The following ZFYVE16 variants were observed in gnomAD, a reference collection of about 807,000 sequenced individuals.
ZFYVE16 encodes the protein zinc finger FYVE domain-containing protein 16.
In ZFYVE16, 89 loss-of-function variants were observed where a neutral mutation model predicts 138.1. The ratio of observed to expected loss-of-function variants is 0.64; its 90% CI spans 0.54 to 0.77. ZFYVE16 has a LOEUF of 0.77. Among genes scored for constraint, ZFYVE16 ranks in the 30% least tolerant of loss-of-function variants. ZFYVE16 has a pLI of 0.00. For synonymous variants in ZFYVE16, 596 were observed against 618.3 expected, an observed-to-expected ratio of 0.96 and a Z score of 0.53; for missense variants, 1,793 against 1,786.7, an observed-to-expected ratio of 1.00 and a Z score of -0.06.
chr5:80,423,728 C>T (rs1327320168), intron 1 of ZFYVE16, among the ~76,000 whole-genome samples: 3 of 151,606 alleles, frequency 2.0e-5, no homozygotes, highest in African/African-American at 2.4e-5. Flanking sequence ...TTAGTAGAGA[C>T]GGGGTTTCAC....
At chr5:80,458,164 C>A (rs1752731072) in intron 14 of ZFYVE16, among the ~76,000 whole-genome samples, 1 of 151,642 alleles carries the variant, frequency 6.6e-6, no homozygotes, top group South Asian at 2.1e-4. Flanking sequence ...GATATTTACA[C>A]TTTTATATTA....
At chr5:80,440,541 G>A (rs1359080471) in intron 5 of ZFYVE16, 1 of 984,300 alleles carries the variant, frequency 1.0e-6, no homozygotes, top group Non-Finnish European at 1.2e-6. Flanking sequence ...TTTGTCTCAT[G>A]TTTTTTTCTT....
At chr5:80,473,326 T>C (rs973610952) in intron 16 of ZFYVE16, among the ~76,000 whole-genome samples, 7 of 152,210 alleles carry the variant, frequency 4.6e-5, no homozygotes, top group African/African-American at 1.7e-4. Flanking sequence ...TTTAATAATA[T>C]TTACATTAGA....
Position 80,437,474 on chromosome 5 carries a change from A to G in ZFYVE16, c.789A>G (p.Gln263=), listed in dbSNP as rs771630873. The change falls in exon 4 of 19, where the codon CAA becomes CAG. Residue 263 remains glutamine (Q), a synonymous_variant. Transcript: ENST00000505560. The part of the protein sequence containing the change: ...SKMFHAKDKL[Q]HKSQPCGLLK... ...TGTTTCATGCCAAAGACAAGCTACA[A>G]CACAAGAGCCAGCCATGTGGATTAC... The G allele has an allele frequency of 8.7e-6, 14 of 1,608,368 alleles. No individual in the cohort carries two copies. The highest frequency in any genetic ancestry group is 1.7e-5 in the Admixed American group (1 of 58,418).
At chr5:80,442,083 A>C in intron 5 of ZFYVE16, 1 of 328,886 alleles carries the variant, frequency 3.0e-6, no homozygotes, top group Non-Finnish European at 4.4e-6. Flanking sequence ...AGTGATAGAT[A>C]GTTAACAGAT....
In ZFYVE16 at chr5:80,456,698, A is replaced by G. The variant is rs113577480; in HGVS notation, c.3795+133A>G. 1,891 of 914,336 alleles carry G rather than the reference A, an allele frequency of 2.1e-3. 25 individuals are homozygous for G. The African/African-American group carries it at 0.028, about 13-fold the overall frequency. 56.6% of individuals were successfully genotyped at this position (914,336 alleles called of 1,614,324 possible). A position where few individuals can be genotyped will look rare whatever the true frequency, so the allele number is the denominator to read the frequency against. On this transcript the variant is annotated intron_variant, in intron 13 of 18. Transcript: ENST00000505560. ...GGCAACAAACATTGTTTTTGAAATG[A>G]TAGAATTTGTTTACTGTAAATAATC... is the stretch of plus-strand genomic sequence containing the variant.
At chr5:80,416,938 C>A (rs1256151676) in intron 1 of ZFYVE16, among the ~76,000 whole-genome samples, 8 of 152,106 alleles carry the variant, frequency 5.3e-5, no homozygotes, top group Non-Finnish European at 1.2e-4. Flanking sequence ...CTGTATTACA[C>A]ATATATCTGT....
Position 80,446,169 on chromosome 5 carries a change from T to C in ZFYVE16, c.2724+764T>C, listed in dbSNP as rs118127579. Reference sequence around the variant, plus strand: ...TCTCGGCCTCCCAAAGTGCTGGTTATTACAGGAGTGAGCCACCGTGCCTGG... The same window carrying C: ...TCTCGGCCTCCCAAAGTGCTGGTTACTACAGGAGTGAGCCACCGTGCCTGG... On this transcript the variant is annotated intron_variant, in intron 7 of 18. Transcript: ENST00000505560. 6.6e-4 allele frequency among the ~76,000 whole-genome samples: 100 copies of C among 152,258 alleles called. 3 individuals carry two copies. The East Asian group carries it at 0.018, about 27-fold the overall frequency.
rs921365633 is a variant in ZFYVE16 at position 80,479,091 on chromosome 5, C to T, written c.*1714C>T. On this transcript the variant is annotated 3_prime_UTR_variant, in exon 19 of 19. Coordinates refer to ENST00000505560, the MANE Select transcript of ZFYVE16 (RefSeq NM_001284236.3). Reference sequence around the variant, plus strand: ...TTTGTTTTCATAAAATCTCTATATTCAATAAAAATTGGAATTATGTGCCTG... The same window carrying T: ...TTTGTTTTCATAAAATCTCTATATTTAATAAAAATTGGAATTATGTGCCTG... 6.6e-6 allele frequency: 1 copy of T among 150,636 alleles called. No individual in the cohort carries two copies. The highest frequency in any genetic ancestry group is 1.5e-5 in the Non-Finnish European group (1 of 67,990). 9.3% of individuals were successfully genotyped at this position (150,636 alleles called of 1,614,324 possible).
At chr5:80,464,332 C>T (rs781735750) in intron 15 of ZFYVE16, among the ~76,000 whole-genome samples, 5 of 152,080 alleles carry the variant, frequency 3.3e-5, no homozygotes, top group Non-Finnish European at 7.4e-5. Flanking sequence ...CTTCACAAGG[C>T]GGCAGGAAGA....
At chr5:80,431,057 A>G (rs1323342818) in intron 2 of ZFYVE16, among the ~76,000 whole-genome samples, 1 of 152,220 alleles carries the variant, frequency 6.6e-6, no homozygotes, top group Non-Finnish European at 1.5e-5. Flanking sequence ...CAATCAATAG[A>G]AAAAGAGGGA....
At chr5:80,445,963 TC>T (rs1751299351) in intron 7 of ZFYVE16, among the ~76,000 whole-genome samples, 1 of 151,560 alleles carries the variant, frequency 6.6e-6, no homozygotes, top group African/African-American at 2.4e-5. Context: ...TGGTGCGATT[TC>T]AGCTCACTGC....
At chr5:80,458,670 A>T in intron 14 of ZFYVE16, among the ~76,000 whole-genome samples, 1 of 152,202 alleles carries the variant, frequency 6.6e-6, no homozygotes, top group Non-Finnish European at 1.5e-5. Context: ...TGCTACAGTG[A>T]ATAGTTTTGT....
At chr5:80,417,076 C>T (rs1181510009) in intron 1 of ZFYVE16, among the ~76,000 whole-genome samples, 1 of 152,212 alleles carries the variant, frequency 6.6e-6, no homozygotes, top group Non-Finnish European at 1.5e-5. Flanking sequence ...CCTCCTCCTT[C>T]AACAGGGAGA....
intron 15 of ZFYVE16, among the ~76,000 whole-genome samples, chr5:80,466,610 C>A (rs889092169): frequency 6.6e-6 from 1 of 152,096 alleles, no homozygotes; most frequent in African/African-American, 2.4e-5. Context: ...TAGGGACAGT[C>A]CCTGTTACTT....
rs781269944 is a variant in ZFYVE16 at position 80,434,137 on chromosome 5, C to T, written c.-11C>T. 2 of 1,610,684 alleles carry T rather than the reference C, an allele frequency of 1.2e-6. No homozygotes were observed. The highest frequency in any genetic ancestry group is 4.5e-5 in the East Asian group (2 of 44,770). ...TACAAGAATTAAATTCTGAATAAGT[C>T]TGCAGGTAGGATGGACAGTTATTTT... On this transcript the variant is annotated 5_prime_UTR_variant, in exon 3 of 19. Transcript: ENST00000505560.
chr5:80,426,209 TG>T (rs1747983329), intron 1 of ZFYVE16, among the ~76,000 whole-genome samples: 1 of 143,588 alleles, frequency 7.0e-6, no homozygotes, highest in Non-Finnish European at 1.5e-5. Flanking sequence ...GTGGTGTGTG[TG>T]TGTGTGTGTG....
chr5:80,434,518 C>T (rs537270827), intron 3 of ZFYVE16, among the ~76,000 whole-genome samples: 10 of 152,114 alleles, frequency 6.6e-5, no homozygotes, highest in African/African-American at 2.2e-4. Flanking sequence ...ATTCTGTCTC[C>T]CAGGCTGAAG....
chr5:80,415,497 T>C (rs945621000), intron 1 of ZFYVE16, among the ~76,000 whole-genome samples: 1 of 152,186 alleles, frequency 6.6e-6, no homozygotes, highest in African/African-American at 2.4e-5. Flanking sequence ...CATTCCTTGT[T>C]TTTGATGCTC....
Sources: allele counts gnomAD v4.1 joint callset (sites outside exome capture counted in the v4.1 genomes callset), GRCh38; gene constraint gnomAD v4.1.1; transcripts MANE v1.5; gene names NCBI Gene and HGNC (gene_info 2026-07-23, HGNC 2026-07-21).